SYT1: variants seen among roughly 807,000 people sequenced by gnomAD.
The protein encoded by SYT1 is synaptotagmin 1.
Under a neutral mutation model 44.8 loss-of-function variants are expected in SYT1, and 8 were observed. The observed-to-expected ratio is 0.18, with a 90% CI of 0.10 to 0.32. The LOEUF (loss-of-function observed/expected upper bound fraction) is 0.32. Ranked by LOEUF, SYT1 falls within the 10% of genes least tolerant of loss-of-function variation. The pLI is 1.00. For missense variants in SYT1, 286 were observed against 509.3 expected, an observed-to-expected ratio of 0.56 and a Z score of 4.22; for synonymous variants, 154 against 188.8, an observed-to-expected ratio of 0.82 and a Z score of 1.51.
intron 2 of SYT1, among the ~76,000 whole-genome samples, chr12:79,027,466 A>G (rs1389924458): frequency 6.6e-6 from 1 of 151,422 alleles, no homozygotes; most frequent in Non-Finnish European, 1.5e-5. Context: ...GTCAATGCAT[A>G]TATAAGGCAT....
At chr12:79,446,063 T>G (rs1007751290) in intron 10 of SYT1, among the ~76,000 whole-genome samples, 1 of 122,828 alleles carries the variant, frequency 8.1e-6, no homozygotes, top group Non-Finnish European at 1.7e-5. Flanking sequence ...AACCACTTTA[T>G]GTATGTAATC....
intron 1 of SYT1, among the ~76,000 whole-genome samples, chr12:78,880,703 G>A (rs1354183468): frequency 4.0e-5 from 6 of 151,364 alleles, no homozygotes; most frequent in African/African-American, 1.5e-4. Flanking sequence ...GAGATGACAA[G>A]CTTATACCTT....
intron 3 of SYT1, among the ~76,000 whole-genome samples, chr12:79,151,585 A>G (rs981822619): frequency 6.6e-6 from 1 of 152,176 alleles, no homozygotes; most frequent in Non-Finnish European, 1.5e-5. Flanking sequence ...GTTGGACTGG[A>G]CAGCAACAAG....
chr12:79,217,573 C>G lies in SYT1; in HGVS notation c.54C>G (p.Val18=), dbSNP rs765977954. ...TGGCAGCCCCGCCTGTCACCACTGT[C>G]GCGACTGTTCTGCCAAGCAACGCCA... ...EALAAPPVTT[V]ATVLPSNATE... is the part of the protein sequence containing the mutation. Residue 18 remains valine, a synonymous_variant, in exon 4 of 11, where the codon GTC becomes GTG. Coordinates refer to ENST00000261205, the MANE Select transcript of SYT1 (RefSeq NM_005639.3). The G allele has an allele frequency of 6.2e-7, 1 of 1,612,408 alleles. No homozygotes were observed. The highest frequency in any genetic ancestry group is 8.5e-7 in the Non-Finnish European group (1 of 1,179,306).
intron 3 of SYT1, among the ~76,000 whole-genome samples, chr12:79,200,190 A>G (rs1295819409): frequency 6.6e-6 from 1 of 152,182 alleles, no homozygotes; most frequent in Non-Finnish European, 1.5e-5. Flanking sequence ...TTTCCAAGAC[A>G]TAGAAAGCAT....
At chr12:79,096,756 G>T (rs948478999) in intron 3 of SYT1, among the ~76,000 whole-genome samples, 1 of 151,982 alleles carries the variant, frequency 6.6e-6, no homozygotes, top group Non-Finnish European at 1.5e-5. Flanking sequence ...TATTAAAGGA[G>T]TTTGAGCAGG....
chr12:79,072,241 T>A (rs980991004), intron 3 of SYT1, among the ~76,000 whole-genome samples: 2 of 152,138 alleles, frequency 1.3e-5, no homozygotes. Context: ...TAAAACAGAA[T>A]AATCATGGAT....
intron 4 of SYT1, among the ~76,000 whole-genome samples, chr12:79,270,142 C>T (rs530077187): frequency 6.6e-6 from 1 of 152,170 alleles, no homozygotes; most frequent in South Asian, 2.1e-4. Flanking sequence ...GCCCCAAAAG[C>T]AAGACTTTGA....
intron 3 of SYT1, among the ~76,000 whole-genome samples, chr12:79,123,897 G>A (rs1468828567): frequency 6.6e-6 from 1 of 152,136 alleles, no homozygotes; most frequent in Admixed American, 6.5e-5. Context: ...TAAGTGAAGA[G>A]GAGGCTAATT....
chr12:79,072,498 A>T (rs1876352310), intron 3 of SYT1, among the ~76,000 whole-genome samples: 1 of 152,148 alleles, frequency 6.6e-6, no homozygotes. Context: ...AAATTTATAT[A>T]CATATCCAAC....
At chr12:79,429,028 G>A (rs1869613944) in intron 9 of SYT1, among the ~76,000 whole-genome samples, 1 of 152,038 alleles carries the variant, frequency 6.6e-6, no homozygotes, top group Non-Finnish European at 1.5e-5. Context: ...AACTGATAGA[G>A]CAAGAACTCA....
chr12:79,314,168 C>CAAAAAAAAAAAAAAA, intron 8 of SYT1, among the ~76,000 whole-genome samples: 1 of 67,286 alleles, frequency 1.5e-5, no homozygotes, highest in African/African-American at 6.3e-5. Flanking sequence ...GACTCCGTCT[C>CAAAAAAAAAAAAAAA]AAAAAAAAAA....
At chr12:79,377,153 C>G (rs547489095) in intron 9 of SYT1, among the ~76,000 whole-genome samples, 15 of 151,732 alleles carry the variant, frequency 9.9e-5, no homozygotes, top group Non-Finnish European at 1.6e-4. Flanking sequence ...GCTCCATTGC[C>G]CAGGCTGGAG....
intron 1 of SYT1, among the ~76,000 whole-genome samples, chr12:78,898,894 A>G (rs1047990639): frequency 8.5e-5 from 13 of 152,110 alleles, no homozygotes; most frequent in African/African-American, 3.1e-4. Context: ...CTAACATGGG[A>G]CATTTCTTTA....
intron 9 of SYT1, among the ~76,000 whole-genome samples, chr12:79,364,790 C>T (rs761266573): frequency 3.9e-5 from 6 of 151,982 alleles, no homozygotes; most frequent in Non-Finnish European, 7.4e-5. Context: ...CAAAAAGAGC[C>T]GAATGCACAT....
intron 2 of SYT1, among the ~76,000 whole-genome samples, chr12:79,031,314 G>C (rs1872816107): frequency 6.6e-6 from 1 of 150,918 alleles, no homozygotes; most frequent in Non-Finnish European, 1.5e-5. Context: ...AAATACTTCT[G>C]ATATTCCCTT....
intron 9 of SYT1, among the ~76,000 whole-genome samples, chr12:79,439,589 G>C (rs947337524): frequency 6.6e-6 from 1 of 152,314 alleles, no homozygotes; most frequent in Admixed American, 6.5e-5. Context: ...TGCTGACTTA[G>C]ATGTTAGCCC....
intron 1 of SYT1, among the ~76,000 whole-genome samples, chr12:78,876,755 A>T (rs1184942841): frequency 1.4e-5 from 1 of 72,654 alleles, no homozygotes; most frequent in African/African-American, 6.5e-5. Flanking sequence ...TATATTGTAT[A>T]TTATATATAT....
chr12:78,876,557 GTA>G (rs903667322), intron 1 of SYT1, among the ~76,000 whole-genome samples: 1 of 127,322 alleles, frequency 7.9e-6, no homozygotes, highest in Admixed American at 8.8e-5. Flanking sequence ...ATGAGTGTGT[GTA>G]TATATATACA....
Sources: gnomAD v4.1 joint callset for allele counts (sites outside exome capture counted in the v4.1 genomes callset) on GRCh38, gnomAD v4.1.1 for gene constraint, MANE v1.5 for transcripts, NCBI Gene and HGNC (gene_info 2026-07-23, HGNC 2026-07-21) for gene names.